TAFA4: variants seen among roughly 807,000 people sequenced by gnomAD.
TAFA4 encodes the protein chemokine-like protein TAFA-4.
Under a neutral mutation model 21.1 loss-of-function variants are expected in TAFA4, and 20 were observed. That is an observed-to-expected ratio of 0.95 (90% CI 0.67 to 1.38). TAFA4 has a LOEUF of 1.38. Ranked by LOEUF, TAFA4 falls within the 40% of genes most tolerant of loss-of-function variation. TAFA4 has a pLI of 0.00. For synonymous variants in TAFA4, 71 were observed against 67.4 expected (o/e 1.05, Z -0.26); for missense variants, 211 against 180.9 (o/e 1.17, Z -0.95).
chr3:68,880,810 T>G lies in TAFA4; in HGVS notation c.50A>C (p.His17Pro), dbSNP rs746189741. ...TAACACGTAGGCTAGAAAGAGCCAG[T>G]GCGACAGCAACACTGACTTAGCACA... is the stretch of plus-strand genomic sequence containing the variant. ...RVCAKSVLLS[H>P]WLFLAYVLMV... The change falls in exon 3 of 6, where the codon CAC becomes CCC. Residue 17 changes from histidine to proline, a missense_variant. By Grantham distance (77) the His-to-Pro change is moderately conservative (BLOSUM62 -2). Transcript: ENST00000295569. The G allele has an allele frequency of 1.9e-6, 3 of 1,613,640 alleles. No homozygotes were observed. The highest frequency in any genetic ancestry group is 3.4e-4 in the Middle Eastern group (2 of 5,812).
intron 3 of TAFA4, among the ~76,000 whole-genome samples, chr3:68,857,289 G>C (rs190699353): frequency 1.3e-5 from 2 of 152,114 alleles, no homozygotes; most frequent in African/African-American, 4.8e-5. Context: ...AAGGACAATA[G>C]TTCCTCTTAA....
At chr3:68,871,869 C>T (rs896994885) in intron 3 of TAFA4, among the ~76,000 whole-genome samples, 1 of 151,976 alleles carries the variant, frequency 6.6e-6, no homozygotes, top group African/African-American at 2.4e-5. Context: ...TCACCCCAGT[C>T]AAAATGGTTT....
chr3:68,747,448 A>C (rs1702479322), intron 4 of TAFA4, among the ~76,000 whole-genome samples: 1 of 152,074 alleles, frequency 6.6e-6, no homozygotes. Context: ...TGGTTTTATA[A>C]AGGGCAGTTC....
chr3:68,828,234 A>G (rs922759677), intron 3 of TAFA4, among the ~76,000 whole-genome samples: 3 of 152,098 alleles, frequency 2.0e-5, no homozygotes, highest in South Asian at 2.1e-4. Flanking sequence ...CCATTGGTCT[A>G]TATCTCTGTT....
chr3:68,808,597 A>G (rs1703755975), intron 3 of TAFA4, among the ~76,000 whole-genome samples: 2 of 152,152 alleles, frequency 1.3e-5, no homozygotes, highest in East Asian at 3.9e-4. Flanking sequence ...TGATTTCCCC[A>G]TGACAAATTC....
At chr3:68,856,834 A>C (rs1423266490) in intron 3 of TAFA4, among the ~76,000 whole-genome samples, 1 of 152,084 alleles carries the variant, frequency 6.6e-6, no homozygotes, top group Non-Finnish European at 1.5e-5. Context: ...TGTTGTATGG[A>C]GGGGAAGGAT....
At chr3:68,893,826 T>C (rs1403166116) in intron 1 of TAFA4, among the ~76,000 whole-genome samples, 1 of 152,222 alleles carries the variant, frequency 6.6e-6, no homozygotes, top group African/African-American at 2.4e-5. Flanking sequence ...TGTTTGACAA[T>C]GGTGCCCTCC....
At chr3:68,772,982 A>C (rs1702986464) in intron 3 of TAFA4, among the ~76,000 whole-genome samples, 1 of 152,230 alleles carries the variant, frequency 6.6e-6, no homozygotes, top group African/African-American at 2.4e-5. Flanking sequence ...TCTGTTAATC[A>C]GACAACTAAT....
intron 3 of TAFA4, among the ~76,000 whole-genome samples, chr3:68,837,737 A>G (rs1231175608): frequency 6.6e-6 from 1 of 152,194 alleles, no homozygotes; most frequent in Non-Finnish European, 1.5e-5. Context: ...AGGTTAAGAA[A>G]TATTCTGCAT....
At chr3:68,807,873 G>T (rs531889823) in intron 3 of TAFA4, among the ~76,000 whole-genome samples, 3 of 152,144 alleles carry the variant, frequency 2.0e-5, no homozygotes, top group Non-Finnish European at 4.4e-5. Context: ...ACATATAATT[G>T]CAAGTATCTG....
intron 3 of TAFA4, among the ~76,000 whole-genome samples, chr3:68,866,841 C>G (rs1187401543): frequency 6.6e-6 from 1 of 151,218 alleles, no homozygotes; most frequent in Non-Finnish European, 1.5e-5. Context: ...TCTGTGAGCT[C>G]AAAAGCAGGC....
At chr3:68,878,404 C>G (rs1296443806) in intron 3 of TAFA4, among the ~76,000 whole-genome samples, 1 of 152,174 alleles carries the variant, frequency 6.6e-6, no homozygotes, top group East Asian at 1.9e-4. Context: ...CTACTCGTGT[C>G]TATACCAGAT....
At chr3:68,870,101 T>C (rs7629267) in intron 3 of TAFA4, among the ~76,000 whole-genome samples, 5,258 of 151,964 alleles carry the variant, frequency 0.035, 312 homozygotes, top group African/African-American at 0.12. Context: ...TCATTTACAA[T>C]AGACACAAGG....
intron 3 of TAFA4, among the ~76,000 whole-genome samples, chr3:68,815,274 A>C (rs1015602411): frequency 7.9e-5 from 12 of 152,222 alleles, no homozygotes; most frequent in Non-Finnish European, 1.3e-4. Flanking sequence ...CATGTCTAAA[A>C]CACCAAAGCA....
chr3:68,896,337 G>A (rs1156573262), intron 1 of TAFA4, among the ~76,000 whole-genome samples: 10 of 152,120 alleles, frequency 6.6e-5, no homozygotes. Flanking sequence ...GGGCAGGATC[G>A]GAAACAGGGA....
At chr3:68,747,016 C>T (rs1702471856) in intron 4 of TAFA4, among the ~76,000 whole-genome samples, 1 of 152,160 alleles carries the variant, frequency 6.6e-6, no homozygotes, top group South Asian at 2.1e-4. Context: ...TCAAATATCC[C>T]CAAGGGGGCA....
At chr3:68,833,191 G>A (rs1366212726) in intron 3 of TAFA4, among the ~76,000 whole-genome samples, 1 of 152,214 alleles carries the variant, frequency 6.6e-6, no homozygotes, top group Non-Finnish European at 1.5e-5. Context: ...GCTTAAGCTT[G>A]CCTTCTGTGG....
At chr3:68,815,722 C>T (rs1352713580) in intron 3 of TAFA4, among the ~76,000 whole-genome samples, 6 of 152,170 alleles carry the variant, frequency 3.9e-5, no homozygotes, top group South Asian at 2.1e-4. Context: ...GGTGGGACTG[C>T]AAACTAGTTC....
Position 68,930,849 on chromosome 3 carries a change from A to G in TAFA4, c.-123+1391T>C, listed in dbSNP as rs114592359. On this transcript the variant is annotated intron_variant, in intron 1 of 5. Transcript: ENST00000295569. ...TATTGAAGAATTCTTCAAGTCATAC[A>G]TTTGTTCTCAGTGACTGAGTGGTAA... Among the ~76,000 whole-genome samples, 286 of 152,346 alleles carry G rather than the reference A, an allele frequency of 1.9e-3. 1 individual carries two copies. Among genetic ancestry groups the G allele is most frequent in the African/African-American group, 6.6e-3 (275 of 41,572 alleles).
Sources: allele counts gnomAD v4.1 joint callset (sites outside exome capture counted in the v4.1 genomes callset), GRCh38; gene constraint gnomAD v4.1.1; transcripts MANE v1.5; gene names NCBI Gene and HGNC (gene_info 2026-07-23, HGNC 2026-07-21).